The following AGMO variants were observed in gnomAD, a reference collection of about 807,000 sequenced individuals.
AGMO encodes the protein glyceryl-ether monooxygenase.
A neutral mutation model predicts 60.2 loss-of-function variants in AGMO; 75 were observed. That is an observed-to-expected ratio of 1.25 (90% CI 1.03 to 1.51). AGMO has a LOEUF of 1.51. Ranked by LOEUF, AGMO falls within the 40% of genes most tolerant of loss-of-function variation. The pLI is 0.00. For missense variants in AGMO, 763 were observed against 525.5 expected (o/e 1.45, Z -4.42); for synonymous variants, 261 against 177.1 (o/e 1.47, Z -3.76).
At chr7:15,516,281 C>A (rs1028310512) in intron 3 of AGMO, among the ~76,000 whole-genome samples, 6 of 152,052 alleles carry the variant, frequency 3.9e-5, no homozygotes, top group African/African-American at 1.4e-4. Flanking sequence ...GAAGCATGTA[C>A]AAAATCCCCC....
intron 12 of AGMO, among the ~76,000 whole-genome samples, chr7:15,319,657 A>G (rs574561029): frequency 7.9e-4 from 120 of 152,250 alleles, no homozygotes; most frequent in South Asian, 2.5e-3. Flanking sequence ...TAAACTTTAA[A>G]TTTAATATCC....
At chr7:15,358,918 C>A (rs1287416004) in intron 12 of AGMO, among the ~76,000 whole-genome samples, 2 of 152,002 alleles carry the variant, frequency 1.3e-5, no homozygotes, top group African/African-American at 4.8e-5. Flanking sequence ...ATGATAGAAG[C>A]GATTTTAACA....
rs2115281053 is a variant in AGMO at position 15,544,920 on chromosome 7, T to C, written c.261A>G (p.Leu87=). The C allele has an allele frequency of 6.6e-7, 1 of 1,521,868 alleles. No individual in the cohort carries two copies. The highest frequency in any genetic ancestry group is 2.4e-5 in the East Asian group (1 of 41,630). The allele number at this position is 1,521,868 out of a possible 1,614,324, so 94.3% of individuals were successfully genotyped here. ...SAGVLSRLPS[L]FFRSIELTSY... is the part of the protein sequence containing the mutation. ...TGGTCAGTTCAATGCTCCTGAAAAA[T>C]AGACTGGAAGATAAAATTCACAATC... Residue 87 remains leucine, a synonymous_variant, in exon 3 of 13, where the codon CTA becomes CTG. Transcript: ENST00000342526.
chr7:15,341,986 A>C (rs985826332), intron 12 of AGMO, among the ~76,000 whole-genome samples: 1 of 151,834 alleles, frequency 6.6e-6, no homozygotes, highest in African/African-American at 2.4e-5. Context: ...GGGAGTTACA[A>C]TTCAAGATGA....
the AGMO span, among the ~76,000 whole-genome samples, chr7:15,152,317 C>T: frequency 2.6e-5 from 4 of 152,192 alleles, no homozygotes; most frequent in South Asian, 2.1e-4. Flanking sequence ...TTCAGGGCGG[C>T]ACTGAAGGTG....
the AGMO span, among the ~76,000 whole-genome samples, chr7:15,166,762 T>G: frequency 6.6e-6 from 1 of 152,198 alleles, no homozygotes; most frequent in Non-Finnish European, 1.5e-5. Flanking sequence ...GATTTCCTAA[T>G]GAATTCAGTG....
chr7:15,555,294 C>T (rs5001430), intron 2 of AGMO, among the ~76,000 whole-genome samples: 6,194 of 52,258 alleles, frequency 0.12, 107 homozygotes, highest in African/African-American at 0.27. Context: ...TATATATATA[C>T]ACACACACAC....
intron 12 of AGMO, among the ~76,000 whole-genome samples, chr7:15,285,095 A>G (rs113827090): frequency 6.6e-6 from 1 of 152,036 alleles, no homozygotes; most frequent in African/African-American, 2.4e-5. Flanking sequence ...AATAAAAGCC[A>G]TATATGATGG....
At chr7:15,168,219 C>T in the AGMO span, among the ~76,000 whole-genome samples, 68 of 152,256 alleles carry the variant, frequency 4.5e-4, no homozygotes, top group East Asian at 0.012. Context: ...TTTAACTATG[C>T]CTAGTACACC....
At chr7:15,144,991 T>G in the AGMO span, among the ~76,000 whole-genome samples, 1 of 152,084 alleles carries the variant, frequency 6.6e-6, no homozygotes, top group Non-Finnish European at 1.5e-5. Flanking sequence ...CGCCACGCTT[T>G]GCTAATTTTT....
chr7:15,189,612 A>G, the AGMO span, among the ~76,000 whole-genome samples: 1 of 152,114 alleles, frequency 6.6e-6, no homozygotes, highest in African/African-American at 2.4e-5. Flanking sequence ...CTTTCCTATC[A>G]GCAACATTCA....
At chr7:15,136,284 C>T in the AGMO span, among the ~76,000 whole-genome samples, 5 of 151,970 alleles carry the variant, frequency 3.3e-5, no homozygotes, top group Admixed American at 2.6e-4. Context: ...TGAGCCACCG[C>T]GCCTGGCCTA....
intron 6 of AGMO, among the ~76,000 whole-genome samples, chr7:15,391,170 G>A (rs1784121176): frequency 6.6e-6 from 1 of 151,320 alleles, no homozygotes; most frequent in African/African-American, 2.4e-5. Flanking sequence ...TATAAAAATG[G>A]AATAAATGTA....
rs1782417522 is a variant in AGMO, at chr7:15,354,446, GTGTGTGTATACACACGTGTGTGTA to G, written c.1263+11044_1263+11067del. Among the ~76,000 whole-genome samples the G allele has an allele frequency of 2.0e-4, 4 of 19,616 alleles. 1 individual carries two copies. The highest frequency in any genetic ancestry group is 8.2e-4 in the African/African-American group (3 of 3,656). The allele number at this position is 19,616 out of a possible 152,430, so 12.9% of individuals were successfully genotyped here. A position where few individuals can be genotyped will look rare whatever the true frequency, so the allele number is the denominator to read the frequency against. On this transcript the variant is annotated intron_variant, in intron 12 of 12. Transcript: ENST00000342526. ...TACACACACGTGTGTGTATACACAC[GTGTGTGTATACACACGTGTGTGTA>G]TACACACGTGTGTATATACACACGT...
chr7:15,369,144 T>C lies in AGMO; in HGVS notation c.1075-2922A>G, dbSNP rs373804027. Among the ~76,000 whole-genome samples, 171 of 152,180 alleles carry C rather than the reference T, an allele frequency of 1.1e-3. 1 individual carries two copies. Among genetic ancestry groups the C allele is most frequent in the African/African-American group, 4.0e-3 (165 of 41,522 alleles). On this transcript the variant is annotated intron_variant, in intron 10 of 12. Transcript: ENST00000342526. ...AAAATATATCCAGAATAAAAGCATGTGTTACAAACAGCACAATTAATACCC... is the reference window on the plus strand; with the variant it reads ...AAAATATATCCAGAATAAAAGCATGCGTTACAAACAGCACAATTAATACCC...
At chr7:15,273,051 C>T (rs189031398) in intron 12 of AGMO, among the ~76,000 whole-genome samples, 1 of 152,090 alleles carries the variant, frequency 6.6e-6, no homozygotes, top group African/African-American at 2.4e-5. Context: ...TAGTAGATTG[C>T]AAAAATTTTC....
At chr7:15,555,503 A>T (rs4537214) in intron 2 of AGMO, among the ~76,000 whole-genome samples, 146,670 of 151,840 alleles carry the variant, frequency 0.97, 70,895 homozygotes, top group East Asian at 1. Flanking sequence ...AATAATAAGA[A>T]AGATAATATT....
At chr7:15,465,102 G>C (rs912437032) in intron 3 of AGMO, among the ~76,000 whole-genome samples, 57 of 152,082 alleles carry the variant, frequency 3.7e-4, no homozygotes, top group Middle Eastern at 6.8e-3. Flanking sequence ...CTCAGAAAAA[G>C]CTAAAAGTCT....
intron 3 of AGMO, among the ~76,000 whole-genome samples, chr7:15,477,551 T>G (rs555401180): frequency 1.3e-5 from 2 of 152,284 alleles, no homozygotes; most frequent in East Asian, 3.9e-4. Flanking sequence ...ATACATTGAA[T>G]GAAAAATTCG....
Sources: allele counts gnomAD v4.1 joint callset (sites outside exome capture counted in the v4.1 genomes callset), GRCh38; gene constraint gnomAD v4.1.1; transcripts MANE v1.5; gene names NCBI Gene and HGNC (gene_info 2026-07-23, HGNC 2026-07-21).